The following HTATIP2 variants were observed in gnomAD, a reference collection of about 807,000 sequenced individuals.
HTATIP2 encodes protein HTATIP2.
HTATIP2 carries 26 observed loss-of-function variants against 24.7 expected under a neutral mutation model. The observed-to-expected ratio is 1.05, with a 90% CI of 0.77 to 1.46. The LOEUF is 1.46. HTATIP2 is among the 40% of genes most tolerant of loss of function. HTATIP2 has a pLI of 0.00. For missense variants in HTATIP2, 284 were observed against 289.6 expected (o/e 0.98, Z 0.14); for synonymous variants, 99 against 113.2 (o/e 0.87, Z 0.79).
chr11:20,376,684 TAAATC>T lies in HTATIP2; in HGVS notation c.411_415del (p.Ser138GlnfsTer8). ...ACTTGCTATCCTCTAAAGGAGCTGA[TAAATC>T]AAGCAATTTTTTATATCTACAAGTT... is the stretch of plus-strand genomic sequence containing the variant. On this transcript the variant is annotated frameshift_variant, in exon 3 of 5. Coordinates refer to ENST00000451739, the MANE Select transcript of HTATIP2 (RefSeq NM_001098522.2). LOFTEE classifies it high-confidence loss of function. 6.2e-7 allele frequency: 1 copy of T among 1,610,998 alleles called. No homozygotes were observed. Among genetic ancestry groups the T allele is most frequent in the Non-Finnish European group, 8.5e-7 (1 of 1,179,174 alleles).
At chr11:20,371,079 T>A (rs955738857) in intron 2 of HTATIP2, among the ~76,000 whole-genome samples, 6 of 152,378 alleles carry the variant, frequency 3.9e-5, no homozygotes, top group African/African-American at 1.4e-4. Context: ...TTATGTATTA[T>A]CTGTGGCTGC....
chr11:20,369,740 A>G (rs907384456), intron 2 of HTATIP2, among the ~76,000 whole-genome samples: 3 of 152,204 alleles, frequency 2.0e-5, no homozygotes, highest in Admixed American at 1.3e-4. Context: ...CCTATTTAGT[A>G]TGATCTCAAC....
chr11:20,382,408 G>A (rs1214205249), intron 4 of HTATIP2, among the ~76,000 whole-genome samples, 169 bp downstream of exon 4: 1 of 152,236 alleles, frequency 6.6e-6, no homozygotes. Context: ...GAAAGAAAGG[G>A]TAGATGGTGG....
rs777754759 is a variant in HTATIP2, at chr11:20,367,298, C to T, written c.303+17C>T. The T allele has an allele frequency of 6.2e-7, 1 of 1,613,730 alleles. No individual in the cohort carries two copies. Among genetic ancestry groups the T allele is most frequent in the Non-Finnish European group, 8.5e-7 (1 of 1,179,976 alleles). On this transcript the variant is annotated intron_variant, in intron 2 of 4. Coordinates refer to ENST00000451739, the MANE Select transcript of HTATIP2 (RefSeq NM_001098522.2). ...GCTGGGGCGGTAAGGAAGGCATATG[C>T]TCTTTTCCCTTTTTGCTGGCCAGTA...
chr11:20,383,042 G>A lies in HTATIP2; in HGVS notation c.566G>A (p.Gly189Asp), dbSNP rs772109156. ...PGEWLVRKFF[G>D]SLPDSWASGH... The stretch of plus-strand genomic sequence containing the variant: ...GAATGGCTGGTTAGAAAGTTCTTTG[G>A]CTCCTTACCAGACTCTTGGGCCAGT... Residue 189 changes from glycine (G) to aspartate (D), a missense_variant, in exon 5 of 5, where the codon GGC becomes GAC. Physicochemically the swap from Gly to Asp is moderately conservative, Grantham distance 94 (BLOSUM62 -1). Coordinates refer to ENST00000451739, the MANE Select transcript of HTATIP2 (RefSeq NM_001098522.2). 11 of 1,613,352 alleles carry A rather than the reference G, an allele frequency of 6.8e-6. No homozygotes were observed. Among genetic ancestry groups the A allele is most frequent in the Non-Finnish European group, 9.3e-6 (11 of 1,179,930 alleles).
At position 20,383,511 on chromosome 11, in the gene HTATIP2, G is replaced by C; in HGVS notation, c.*306G>C. On this transcript the variant is annotated 3_prime_UTR_variant, in exon 5 of 5. Coordinates refer to ENST00000451739, the MANE Select transcript of HTATIP2 (RefSeq NM_001098522.2). Reference sequence around the variant, plus strand: ...GTTTATACTTCCCCTGATGCCACTGGTTCCGATGCCACTGGCTGGGGGGCC... The same window carrying C: ...GTTTATACTTCCCCTGATGCCACTGCTTCCGATGCCACTGGCTGGGGGGCC... The C allele has an allele frequency of 3.3e-6, 1 of 298,742 alleles. No individual in the cohort carries two copies. The highest frequency in any genetic ancestry group is 6.2e-6 in the Non-Finnish European group (1 of 160,576). 18.5% of individuals were successfully genotyped at this position (298,742 alleles called of 1,614,324 possible).
intron 3 of HTATIP2, among the ~76,000 whole-genome samples, chr11:20,379,929 A>G (rs868466683): frequency 4.6e-5 from 7 of 152,198 alleles, no homozygotes; most frequent in Non-Finnish European, 8.8e-5. Context: ...AAGGATATAG[A>G]GCAAAATCAG....
chr11:20,365,132 C>T (rs555874037), intron 1 of HTATIP2, among the ~76,000 whole-genome samples: 31 of 152,120 alleles, frequency 2.0e-4, no homozygotes, highest in African/African-American at 6.7e-4. Flanking sequence ...TACAGGCGTG[C>T]GTCACCACTC....
In HTATIP2 at chr11:20,383,396, G is replaced by A; in HGVS notation, c.*191G>A. The A allele has an allele frequency of 1.9e-6, 1 of 539,802 alleles. No homozygotes were observed. Among genetic ancestry groups the A allele is most frequent in the East Asian group, 3.1e-5 (1 of 32,686 alleles). The allele number at this position is 539,802 out of a possible 1,614,324, so 33.4% of individuals were successfully genotyped here. On this transcript the variant is annotated 3_prime_UTR_variant, in exon 5 of 5. Coordinates refer to ENST00000451739, the MANE Select transcript of HTATIP2 (RefSeq NM_001098522.2). ...TGGTTATACATATAGATCACTCAGG[G>A]AGCTTTGGAAAAATAAAGATTTGTC... is the stretch of plus-strand genomic sequence containing the variant.
At chr11:20,378,466 C>A (rs1238151244) in intron 3 of HTATIP2, among the ~76,000 whole-genome samples, 2 of 152,120 alleles carry the variant, frequency 1.3e-5, no homozygotes, top group Non-Finnish European at 2.9e-5. Context: ...TCAGGCCCAA[C>A]TTGTTTTTTA....
chr11:20,376,413 C>G (rs896867777), intron 2 of HTATIP2, 167 bp from the exon 3 acceptor site: 2 of 713,682 alleles, frequency 2.8e-6, no homozygotes, highest in African/African-American at 3.6e-5. Context: ...AGGACCAGAC[C>G]TGGAGCCTTT....
chr11:20,375,022 G>A lies in HTATIP2; in HGVS notation c.304-1558G>A, dbSNP rs1355971565. Among the ~76,000 whole-genome samples the A allele has an allele frequency of 3.3e-5, 5 of 152,134 alleles. No individual in the cohort carries two copies. The South Asian group carries it at 1.0e-3, about 32-fold the overall frequency. ...GTCATTTTCATTAGCGAGAGAGGGT[G>A]GGGGATAAAAAAGGAACATGGGTAC... On this transcript the variant is annotated intron_variant, in intron 2 of 4. Coordinates refer to ENST00000451739, the MANE Select transcript of HTATIP2 (RefSeq NM_001098522.2).
intron 2 of HTATIP2, chr11:20,376,357 C>T (rs1271627417): frequency 1.1e-5 from 6 of 532,018 alleles, no homozygotes; most frequent in Non-Finnish European, 2.0e-5. Context: ...TCCTTGTTTC[C>T]TTATTGCAGT....
chr11:20,366,143 C>A (rs1270586775), intron 1 of HTATIP2, among the ~76,000 whole-genome samples: 2 of 141,446 alleles, frequency 1.4e-5, no homozygotes, highest in Non-Finnish European at 3.1e-5. Context: ...ACTCTGTCGC[C>A]CAGTCTGGAG....
In HTATIP2 at chr11:20,382,968, T is replaced by A; in HGVS notation, c.504-12T>A. On this transcript the variant is annotated splice_polypyrimidine_tract_variant and intron_variant, in intron 4 of 4. Transcript: ENST00000451739. The stretch of plus-strand genomic sequence containing the variant: ...TCTGCTTTTCTTTCTTTTTTTTTTT[T>A]TTTTATTTTAGAGTTCTGTTATGTG... 6.4e-7 allele frequency: 1 copy of A among 1,573,956 alleles called. No individual in the cohort carries two copies.
chr11:20,374,103 A>C (rs750075256), intron 2 of HTATIP2, among the ~76,000 whole-genome samples: 18 of 152,202 alleles, frequency 1.2e-4, no homozygotes, highest in Non-Finnish European at 2.1e-4. Flanking sequence ...TATAGTTAAA[A>C]ATGTACTTGT....
intron 2 of HTATIP2, among the ~76,000 whole-genome samples, chr11:20,374,227 ATACTT>A (rs1401341094): frequency 6.6e-6 from 1 of 152,194 alleles, no homozygotes; most frequent in Non-Finnish European, 1.5e-5. Context: ...ATTGAGCTCT[ATACTT>A]ATGTTTACTT....
intron 3 of HTATIP2, among the ~76,000 whole-genome samples, chr11:20,380,034 A>G (rs1054431777): frequency 7.9e-5 from 12 of 152,226 alleles, no homozygotes; most frequent in African/African-American, 2.9e-4. Flanking sequence ...GATGTGCTTA[A>G]TGTCTCCAGC....
chr11:20,365,347 C>G (rs2064687847), intron 1 of HTATIP2, among the ~76,000 whole-genome samples: 1 of 152,154 alleles, frequency 6.6e-6, no homozygotes, highest in Admixed American at 6.5e-5. Context: ...TGTCATGACC[C>G]CCTAAATATC....
Sources: allele counts gnomAD v4.1 joint callset (sites outside exome capture counted in the v4.1 genomes callset), GRCh38; gene constraint gnomAD v4.1.1; transcripts MANE v1.5; gene names NCBI Gene and HGNC (gene_info 2026-07-23, HGNC 2026-07-21).